The following PBRM1 variants were observed in gnomAD, a reference collection of about 807,000 sequenced individuals.
PBRM1 encodes protein polybromo-1.
PBRM1 carries 27 observed loss-of-function variants against 194.5 expected under a neutral mutation model. The observed-to-expected ratio is 0.14, with a 90% CI of 0.10 to 0.19. PBRM1 has a LOEUF of 0.19. Among genes scored for constraint, PBRM1 ranks in the 10% least tolerant of loss-of-function variants. PBRM1 has a pLI of 1.00. For synonymous variants in PBRM1, 655 were observed against 693.2 expected (o/e 0.94, Z 0.87); for missense variants, 1,466 against 2,077.2 (o/e 0.71, Z 5.72).
chr3:52,641,926 AT>A (rs1369137721), intron 10 of PBRM1, 27 bp downstream of exon 11: 28 of 1,313,214 alleles, frequency 2.1e-5, no homozygotes, highest in Non-Finnish European at 2.7e-5. Context: ...CTAAGAAGGC[AT>A]TTCGCTAGTC....
chr3:52,637,006 G>A (rs1454906138), intron 10 of PBRM1, among the ~76,000 whole-genome samples: 1 of 151,958 alleles, frequency 6.6e-6, no homozygotes, highest in Non-Finnish European at 1.5e-5. Context: ...CACAAGTTCA[G>A]CCACCACATA....
chr3:52,547,948 G>A (rs2079890152), downstream of PBRM1: 1 of 823,666 alleles, frequency 1.2e-6, no homozygotes, highest in South Asian at 1.7e-5. Context: ...GTGATGTACA[G>A]TAAAATGCAA....
At chr3:52,591,542 G>A (rs1287613635) in intron 17 of PBRM1, among the ~76,000 whole-genome samples, 5 of 115,180 alleles carry the variant, frequency 4.3e-5, no homozygotes, top group East Asian at 2.4e-4. Flanking sequence ...TTTTTGAGAC[G>A]GAGTCTTGCT....
chr3:52,551,244 C>T (rs534501769), intron 27 of PBRM1, among the ~76,000 whole-genome samples: 37 of 152,268 alleles, frequency 2.4e-4, no homozygotes, highest in African/African-American at 7.9e-4. Context: ...ACAGCAGGGA[C>T]ACAAGGGAAG....
chr3:52,642,766 T>C (rs2096147049), intron 9 of PBRM1, among the ~76,000 whole-genome samples: 1 of 151,904 alleles, frequency 6.6e-6, no homozygotes, highest in Non-Finnish European at 1.5e-5. Context: ...AGAGGTGATA[T>C]AAGGCCTACG....
At chr3:52,603,434 A>G in intron 17 of PBRM1, 87 bp downstream of exon 19, 2 of 1,394,070 alleles carry the variant, frequency 1.4e-6, no homozygotes, top group Non-Finnish European at 1.9e-6. Flanking sequence ...TCATTCATAC[A>G]AACAGGACTC....
At chr3:52,593,526 C>T (rs1297816926) in intron 17 of PBRM1, among the ~76,000 whole-genome samples, 3 of 152,080 alleles carry the variant, frequency 2.0e-5, no homozygotes, top group Non-Finnish European at 4.4e-5. Flanking sequence ...CATGAGCCAC[C>T]GTGCCTGGCC....
chr3:52,595,579 C>G (rs2093466705), intron 17 of PBRM1, among the ~76,000 whole-genome samples: 1 of 152,126 alleles, frequency 6.6e-6, no homozygotes, highest in South Asian at 2.1e-4. Flanking sequence ...GTAACTAATC[C>G]ATTGTGAGAT....
intron 1 of PBRM1, 152 bp from the exon 3 acceptor site, chr3:52,678,749 T>C: frequency 1.7e-6 from 1 of 580,090 alleles, no homozygotes; most frequent in Non-Finnish European, 3.0e-6. Context: ...GTCTGAAATA[T>C]GCTGACAATA....
chr3:52,554,757 C>G lies in PBRM1; in HGVS notation c.4576G>C (p.Gly1526Arg), dbSNP rs761034188. 1.9e-6 allele frequency: 3 copies of G among 1,572,586 alleles called. No individual in the cohort carries two copies. The South Asian group carries it at 3.5e-5, about 19-fold the overall frequency. Residue 1526 changes from glycine (G) to arginine (R), a missense_variant, in exon 27 of 30, where the codon GGT becomes CGT. Coordinates refer to ENST00000296302, the Ensembl canonical transcript of PBRM1. The stretch of plus-strand genomic sequence containing the variant: ...GGGATGCCCGGGAGGCCAGGCACAC[C>G]TGGCGGAAGATGGTGGGGTGGAGGC...
intron 13 of PBRM1, among the ~76,000 whole-genome samples, chr3:52,620,539 T>C (rs1410007602): frequency 2.0e-5 from 3 of 152,206 alleles, no homozygotes; most frequent in African/African-American, 4.8e-5. Flanking sequence ...AAGCTGCAAA[T>C]ACTCTCAGAT....
intron 14 of PBRM1, among the ~76,000 whole-genome samples, 155 bp from the exon 17 acceptor site, chr3:52,615,611 A>C (rs528184256): frequency 6.6e-6 from 1 of 152,284 alleles, no homozygotes; most frequent in Admixed American, 6.5e-5. Context: ...AAATCACTCT[A>C]TCTGTGGGAG....
chr3:52,580,539 T>G (rs894715625), intron 20 of PBRM1, among the ~76,000 whole-genome samples: 5 of 152,070 alleles, frequency 3.3e-5, no homozygotes, highest in African/African-American at 1.2e-4. Context: ...TTTTTTTGTA[T>G]TTTTAGTAGA....
At chr3:52,605,433 G>C (rs1301426083) in intron 16 of PBRM1, among the ~76,000 whole-genome samples, 1 of 152,142 alleles carries the variant, frequency 6.6e-6, no homozygotes, top group Admixed American at 6.5e-5. Context: ...AGCAGTTACA[G>C]AGACATTCTG....
chr3:52,588,704 GC>G (rs1399426930), intron 18 of PBRM1, among the ~76,000 whole-genome samples: 6 of 151,780 alleles, frequency 4.0e-5, no homozygotes, highest in Admixed American at 3.9e-4. Context: ...ACAGGCGCCC[GC>G]CACCAGGCCC....
At chr3:52,670,702 G>T (rs767446893) in intron 2 of PBRM1, among the ~76,000 whole-genome samples, 45 of 152,272 alleles carry the variant, frequency 3.0e-4, no homozygotes, top group Non-Finnish European at 5.9e-4. Context: ...GGCTACTAAA[G>T]ACTATATTCT....
At chr3:52,562,668 C>T (rs150636669) in intron 24 of PBRM1, among the ~76,000 whole-genome samples, 92 of 151,740 alleles carry the variant, frequency 6.1e-4, no homozygotes, top group African/African-American at 2.0e-3. Context: ...CTCAGCCTGC[C>T]GAGTAGCTGG....
chr3:52,637,320 C>T (rs187016591), intron 10 of PBRM1, among the ~76,000 whole-genome samples: 2 of 152,196 alleles, frequency 1.3e-5, no homozygotes, highest in South Asian at 2.1e-4. Context: ...AATGCTGTTA[C>T]CTTTTCTCCA....
intron 11 of PBRM1, among the ~76,000 whole-genome samples, chr3:52,632,290 G>A (rs2095643397): frequency 6.6e-6 from 1 of 152,098 alleles, no homozygotes; most frequent in Non-Finnish European, 1.5e-5. Flanking sequence ...TTTCACAGAA[G>A]AGATTTTAAA....
Sources: allele counts gnomAD v4.1 joint callset (sites outside exome capture counted in the v4.1 genomes callset), GRCh38; gene constraint gnomAD v4.1.1; transcripts MANE v1.5; gene names NCBI Gene and HGNC (gene_info 2026-07-23, HGNC 2026-07-21).